Variants in PRKN observed in about 807,000 individuals in gnomAD.
PRKN encodes the protein E3 ubiquitin-protein ligase parkin.
In PRKN, 56 loss-of-function variants were observed where a neutral mutation model predicts 59.5. That is an observed-to-expected ratio of 0.94 (90% CI 0.76 to 1.18). The LOEUF (loss-of-function observed/expected upper bound fraction) is 1.18, where lower values mean the gene tolerates loss of function less well. PRKN is among the 50% of genes most tolerant of loss of function. PRKN has a pLI of 0.00. For missense variants in PRKN, 657 were observed against 596.4 expected (o/e 1.10, Z -1.06); for synonymous variants, 250 against 222.1 (o/e 1.13, Z -1.12).
At chr6:161,594,733 C>G (rs200234788) in intron 7 of PRKN, among the ~76,000 whole-genome samples, 17 of 151,958 alleles carry the variant, frequency 1.1e-4, no homozygotes, top group Admixed American at 1.1e-3. Flanking sequence ...GACTGAATAA[C>G]TGAACAACTA....
At chr6:162,636,237 T>A (rs2077934) in intron 1 of PRKN, among the ~76,000 whole-genome samples, 2 of 151,790 alleles carry the variant, frequency 1.3e-5, no homozygotes, top group Non-Finnish European at 2.9e-5. Flanking sequence ...TGTTTTTTCT[T>A]TTGCAACAAG....
chr6:161,993,777 G>A (rs1290495075), intron 5 of PRKN, among the ~76,000 whole-genome samples: 1 of 152,168 alleles, frequency 6.6e-6, no homozygotes, highest in African/African-American at 2.4e-5. Context: ...GAAGCACTGA[G>A]CCAGCACCTG....
chr6:161,952,229 G>A (rs1174455727), intron 6 of PRKN, among the ~76,000 whole-genome samples: 2 of 152,142 alleles, frequency 1.3e-5, no homozygotes, highest in Non-Finnish European at 2.9e-5. Flanking sequence ...AATTTGTCAT[G>A]AAAGATGAAT....
chr6:162,324,838 T>C (rs1264168633), intron 2 of PRKN, among the ~76,000 whole-genome samples: 6 of 152,106 alleles, frequency 3.9e-5, no homozygotes, highest in East Asian at 3.9e-4. Context: ...AAAATAAAAA[T>C]AAAATGACAA....
intron 6 of PRKN, among the ~76,000 whole-genome samples, chr6:161,834,076 G>A (rs1792634880): frequency 6.6e-6 from 1 of 152,112 alleles, no homozygotes; most frequent in South Asian, 2.1e-4. Flanking sequence ...CAGACATCGT[G>A]TAAGAGCAGC....
chr6:162,698,641 G>A (rs1778050255), intron 1 of PRKN, among the ~76,000 whole-genome samples: 1 of 152,152 alleles, frequency 6.6e-6, no homozygotes, highest in African/African-American at 2.4e-5. Flanking sequence ...AAGCTGCAGA[G>A]ATAAGAACTG....
At chr6:162,242,573 C>A (rs775036353) in intron 3 of PRKN, among the ~76,000 whole-genome samples, 1 of 152,076 alleles carries the variant, frequency 6.6e-6, no homozygotes, top group Non-Finnish European at 1.5e-5. Context: ...GAACAACAAT[C>A]AACTATTAAC....
intron 7 of PRKN, among the ~76,000 whole-genome samples, chr6:161,680,001 G>A (rs896373905): frequency 1.6e-4 from 24 of 151,808 alleles, no homozygotes; most frequent in Non-Finnish European, 3.1e-4. Context: ...TGATCTGCCC[G>A]CCTCAGCGTC....
intron 2 of PRKN, among the ~76,000 whole-genome samples, chr6:162,356,066 T>A (rs980255): frequency 6.6e-6 from 1 of 151,904 alleles, no homozygotes; most frequent in South Asian, 2.1e-4. Flanking sequence ...GAGGGCACTG[T>A]GGGCACTTTA....
At chr6:161,907,096 A>G (rs11752865) in intron 6 of PRKN, among the ~76,000 whole-genome samples, 12,970 of 152,150 alleles carry the variant, frequency 0.085, 845 homozygotes, top group East Asian at 0.33. Context: ...TTGACACTCA[A>G]TGTTAACCAT....
At chr6:161,805,338 A>G (rs1467811213) in intron 6 of PRKN, among the ~76,000 whole-genome samples, 1 of 151,916 alleles carries the variant, frequency 6.6e-6, no homozygotes, top group Non-Finnish European at 1.5e-5. Context: ...ATCCATCCTC[A>G]CAGACCTTAT....
intron 3 of PRKN, among the ~76,000 whole-genome samples, chr6:162,219,267 A>G (rs1777832351): frequency 6.6e-6 from 1 of 152,184 alleles, no homozygotes; most frequent in South Asian, 2.1e-4. Context: ...CACAAAATCT[A>G]CTAGAACGCA....
chr6:162,253,702 G>GT (rs1203261988), intron 3 of PRKN, among the ~76,000 whole-genome samples: 2 of 151,898 alleles, frequency 1.3e-5, no homozygotes, highest in African/African-American at 4.8e-5. Context: ...CACCAAAATT[G>GT]TAATGATGCC....
chr6:162,032,522 A>G, intron 5 of PRKN, among the ~76,000 whole-genome samples: 1 of 152,124 alleles, frequency 6.6e-6, no homozygotes, highest in East Asian at 1.9e-4. Flanking sequence ...CCACCTCTAG[A>G]GAGGACAAAA....
At chr6:161,933,457 T>C (rs923563346) in intron 6 of PRKN, among the ~76,000 whole-genome samples, 4 of 152,352 alleles carry the variant, frequency 2.6e-5, no homozygotes, top group Middle Eastern at 3.4e-3. Context: ...TTTGGCTTAA[T>C]AGACAACTGA....
intron 1 of PRKN, among the ~76,000 whole-genome samples, chr6:162,681,089 A>G (rs1360234166): frequency 3.3e-5 from 5 of 152,196 alleles, no homozygotes; most frequent in Non-Finnish European, 7.3e-5. Flanking sequence ...AAAAGATTCC[A>G]GGAAGACTCC....
intron 1 of PRKN, among the ~76,000 whole-genome samples, chr6:162,466,824 T>C (rs1213387904): frequency 6.6e-6 from 1 of 152,198 alleles, no homozygotes; most frequent in East Asian, 1.9e-4. Context: ...TACCCATTTA[T>C]TAAAGGCTAG....
intron 1 of PRKN, among the ~76,000 whole-genome samples, chr6:162,724,341 A>G (rs572855761): frequency 6.6e-6 from 1 of 152,182 alleles, no homozygotes; most frequent in Non-Finnish European, 1.5e-5. Flanking sequence ...GGCATTCAAC[A>G]CATCAATCAC....
At chr6:162,080,445 GCAATAAAGCAGATATCA>G (rs1779009279) in intron 4 of PRKN, among the ~76,000 whole-genome samples, 1 of 152,208 alleles carries the variant, frequency 6.6e-6, no homozygotes, top group Non-Finnish European at 1.5e-5. Flanking sequence ...ACAGATCACT[GCAATAAAGCAGATATCA>G]CAATAAAGCA....
Sources: allele counts gnomAD v4.1 joint callset (sites outside exome capture counted in the v4.1 genomes callset), GRCh38; gene constraint gnomAD v4.1.1; transcripts MANE v1.5; gene names NCBI Gene and HGNC (gene_info 2026-07-23, HGNC 2026-07-21).